The following CFAP61 variants were observed in gnomAD, a reference collection of about 807,000 sequenced individuals.
The protein encoded by CFAP61 is cilia- and flagella-associated protein 61.
Under a neutral mutation model 135.6 loss-of-function variants are expected in CFAP61, and 107 were observed. The observed-to-expected ratio is 0.79, with a 90% CI of 0.67 to 0.93. The LOEUF is 0.93. Among genes scored for constraint, CFAP61 ranks in the 40% least tolerant of loss-of-function variants. The pLI, the probability that CFAP61 is intolerant of heterozygous loss-of-function variation, is 0.00. For synonymous variants in CFAP61, 575 were observed against 578.5 expected (o/e 0.99, Z 0.09); for missense variants, 1,507 against 1,556.2 (o/e 0.97, Z 0.53).
At chr20:20,255,503 G>A (rs577925822) in intron 20 of CFAP61, among the ~76,000 whole-genome samples, 1 of 152,184 alleles carries the variant, frequency 6.6e-6, no homozygotes, top group African/African-American at 2.4e-5. Flanking sequence ...GATGTGGGTC[G>A]GCAATGTTAC....
rs979095298 is a variant in CFAP61, at chr20:20,101,871, G to A, written c.859+3057G>A. On this transcript the variant is annotated intron_variant, in intron 8 of 26. Transcript: ENST00000245957. ...TTGAACTCCGGGCCTCAGGTGATCCGCCCACCTCGGCTTCCCAAAGTGCTG... is the reference window on the plus strand; with the variant it reads ...TTGAACTCCGGGCCTCAGGTGATCCACCCACCTCGGCTTCCCAAAGTGCTG... Among the ~76,000 whole-genome samples the A allele has an allele frequency of 3.9e-5, 6 of 152,006 alleles. No homozygotes were observed. The East Asian group carries it at 7.7e-4, about 20-fold the overall frequency.
intron 17 of CFAP61, among the ~76,000 whole-genome samples, chr20:20,214,656 A>G (rs893019949): frequency 2.0e-5 from 3 of 152,222 alleles, no homozygotes; most frequent in Admixed American, 1.3e-4. Context: ...TTGAATTTCA[A>G]CCCCAAGTCA....
In CFAP61 at chr20:20,105,621, ATTAT is replaced by A. The variant is rs555589333; in HGVS notation, c.859+6822_859+6825del. Among the ~76,000 whole-genome samples, 77 of 151,548 alleles carry A rather than the reference ATTAT, an allele frequency of 5.1e-4. 1 individual carries two copies. The South Asian group carries it at 9.4e-3, about 19-fold the overall frequency. On this transcript the variant is annotated intron_variant, in intron 8 of 26. Transcript: ENST00000245957. ...CTAACTTATACTTGTTAAAATTTGA[ATTAT>A]TTATTTATTTATTTTTATTGTTTTG...
Position 20,052,575 on chromosome 20 carries a change from C to G in CFAP61, c.-53C>G, listed in dbSNP as rs377204100. On this transcript the variant is annotated 5_prime_UTR_variant, in exon 1 of 27. Coordinates refer to ENST00000245957, the MANE Select transcript of CFAP61 (RefSeq NM_015585.4). ...GCGGCAGCGCGTGGAGTGCGGCGTC[C>G]TGGAGCTGCGGATGAGGTGGGTAAC... The G allele has an allele frequency of 2.5e-6, 4 of 1,613,778 alleles. No individual in the cohort carries two copies. The highest frequency in any genetic ancestry group is 1.3e-5 in the African/African-American group (1 of 74,944).
At chr20:20,334,109 T>C (rs1051934139) in intron 25 of CFAP61, among the ~76,000 whole-genome samples, 3 of 152,170 alleles carry the variant, frequency 2.0e-5, no homozygotes, top group African/African-American at 4.8e-5. Flanking sequence ...GGGAGGCACC[T>C]AGTTTTAAGC....
intron 8 of CFAP61, among the ~76,000 whole-genome samples, chr20:20,104,036 C>G (rs1030395696): frequency 6.6e-6 from 1 of 152,152 alleles, no homozygotes; most frequent in South Asian, 2.1e-4. Flanking sequence ...ACCCAGGGCC[C>G]ACCTTACAAA....
intron 20 of CFAP61, among the ~76,000 whole-genome samples, chr20:20,254,358 C>T (rs1160594823): frequency 2.6e-5 from 4 of 151,782 alleles, no homozygotes; most frequent in Non-Finnish European, 4.4e-5. Context: ...AGCTTGTCTT[C>T]CTGTCACCTG....
In CFAP61 at chr20:20,263,034, A is replaced by G. The variant is rs756545317; in HGVS notation, c.2407A>G (p.Thr803Ala). The G allele has an allele frequency of 5.0e-6, 8 of 1,614,100 alleles. No homozygotes were observed. In the East Asian group the frequency reaches 1.6e-4, roughly 31 times the overall value. ...EVPNSSQRRY[T>A]GKVPCNHFTL... The stretch of plus-strand genomic sequence containing the variant: ...TCCCAACAGCAGTCAGCGGCGGTAC[A>G]CGGGGAAAGTTCCTTGCAACCATTT... The change falls in exon 21 of 27, where the codon ACG (threonine) becomes GCG (alanine). Residue 803 changes from threonine to alanine, a missense_variant. Coordinates refer to ENST00000245957, the MANE Select transcript of CFAP61 (RefSeq NM_015585.4).
intron 21 of CFAP61, among the ~76,000 whole-genome samples, chr20:20,269,827 G>A (rs1344001025): frequency 1.3e-5 from 2 of 152,186 alleles, no homozygotes; most frequent in Non-Finnish European, 1.5e-5. Flanking sequence ...ATCTGCAAGT[G>A]TACTGCAGTG....
chr20:20,255,866 G>A (rs1379774384), intron 20 of CFAP61, among the ~76,000 whole-genome samples: 4 of 152,112 alleles, frequency 2.6e-5, no homozygotes, highest in Non-Finnish European at 4.4e-5. Flanking sequence ...TGACTGCCTC[G>A]GCCAACAAAG....
intron 21 of CFAP61, among the ~76,000 whole-genome samples, chr20:20,273,948 G>A (rs2053557508): frequency 6.6e-6 from 1 of 152,224 alleles, no homozygotes; most frequent in Non-Finnish European, 1.5e-5. Flanking sequence ...AAATTACTCT[G>A]ATAAATGTAA....
At chr20:20,216,294 A>G (rs1483331204) in intron 17 of CFAP61, among the ~76,000 whole-genome samples, 1 of 152,224 alleles carries the variant, frequency 6.6e-6, no homozygotes, top group East Asian at 1.9e-4. Context: ...TACGTGACCT[A>G]TCTTTACACT....
chr20:20,152,284 G>A (rs182964846), intron 9 of CFAP61, among the ~76,000 whole-genome samples: 13 of 151,362 alleles, frequency 8.6e-5, no homozygotes, highest in South Asian at 4.2e-4. Flanking sequence ...ATCTCACAGG[G>A]CCTATAAAAC....
Position 20,060,089 on chromosome 20 carries a change from AC to A in CFAP61, c.143+3295del, listed in dbSNP as rs1366629400. Among the ~76,000 whole-genome samples, 17 of 145,874 alleles carry A rather than the reference AC, an allele frequency of 1.2e-4. No individual in the cohort carries two copies. The South Asian group carries it at 2.8e-3, about 24-fold the overall frequency. The stretch of plus-strand genomic sequence containing the variant: ...AATAACAGAGGGGGAAAAAAAAAAA[AC>A]CAAGTTACCTGCAAAGAACTAAAGA... On this transcript the variant is annotated intron_variant, in intron 2 of 26. Transcript: ENST00000245957.
At chr20:20,060,390 A>C (rs1268738031) in intron 2 of CFAP61, among the ~76,000 whole-genome samples, 1 of 152,224 alleles carries the variant, frequency 6.6e-6, no homozygotes, top group Non-Finnish European at 1.5e-5. Context: ...ACAAGAAGGA[A>C]TGTCAACAAA....
chr20:20,217,013 T>C (rs1468243719), intron 17 of CFAP61, among the ~76,000 whole-genome samples: 2 of 152,228 alleles, frequency 1.3e-5, no homozygotes, highest in Non-Finnish European at 2.9e-5. Flanking sequence ...AGCTCTCTTT[T>C]CATTTCTATT....
chr20:20,164,576 T>A (rs951805146), intron 11 of CFAP61, among the ~76,000 whole-genome samples: 5 of 152,142 alleles, frequency 3.3e-5, no homozygotes, highest in African/African-American at 4.8e-5. Context: ...TGGTTGCAAG[T>A]AACAGGAAAT....
At chr20:20,324,369 C>T (rs2057668919) in intron 25 of CFAP61, among the ~76,000 whole-genome samples, 1 of 152,142 alleles carries the variant, frequency 6.6e-6, no homozygotes, top group African/African-American at 2.4e-5. Context: ...TATACTGTAC[C>T]TATTTCCTTC....
At chr20:20,257,754 A>G (rs550140474) in intron 20 of CFAP61, among the ~76,000 whole-genome samples, 1 of 152,346 alleles carries the variant, frequency 6.6e-6, no homozygotes, top group South Asian at 2.1e-4. Flanking sequence ...CTGAGAATAA[A>G]TGCAAAATAG....
Sources: gnomAD v4.1 joint callset for allele counts (sites outside exome capture counted in the v4.1 genomes callset) on GRCh38, gnomAD v4.1.1 for gene constraint, MANE v1.5 for transcripts, NCBI Gene and HGNC (gene_info 2026-07-23, HGNC 2026-07-21) for gene names.